The following CERS6 variants were observed in gnomAD, a reference collection of about 807,000 sequenced individuals.
CERS6 encodes the protein ceramide synthase 6.
In CERS6, 26 loss-of-function variants were observed where a neutral mutation model predicts 56.8. The observed-to-expected ratio is 0.46, with a 90% CI of 0.34 to 0.63. The LOEUF (loss-of-function observed/expected upper bound fraction) is 0.63. Ranked by LOEUF, CERS6 falls within the 30% of genes least tolerant of loss-of-function variation. The pLI is 0.01. For missense variants in CERS6, 415 were observed against 467.5 expected (o/e 0.89, Z 1.04); for synonymous variants, 164 against 173.3 (o/e 0.95, Z 0.42).
chr2:168,654,346 C>T (rs1184076106), intron 4 of CERS6, among the ~76,000 whole-genome samples: 10 of 151,948 alleles, frequency 6.6e-5, no homozygotes, highest in Non-Finnish European at 2.9e-5. Context: ...GAGTTCGAGA[C>T]CAGCCTAGCC....
At chr2:168,745,895 G>A (rs1684084510) in intron 8 of CERS6, among the ~76,000 whole-genome samples, 1 of 152,140 alleles carries the variant, frequency 6.6e-6, no homozygotes, top group Admixed American at 6.5e-5. Context: ...TCACCTGTGG[G>A]GATGCCACAT....
chr2:168,547,852 A>T, intron 2 of CERS6, 151 bp downstream of exon 2: 1 of 628,748 alleles, frequency 1.6e-6, no homozygotes, highest in Non-Finnish European at 2.9e-6. Flanking sequence ...CAAGCGTAGT[A>T]GAAGCGGAAT....
chr2:168,481,931 G>A (rs1487705357), intron 1 of CERS6, among the ~76,000 whole-genome samples: 1 of 152,188 alleles, frequency 6.6e-6, no homozygotes, highest in Non-Finnish European at 1.5e-5. Flanking sequence ...AGCAATTTAA[G>A]CTTAGGTTGA....
intron 8 of CERS6, among the ~76,000 whole-genome samples, chr2:168,763,842 G>A (rs1684650959): frequency 6.6e-6 from 1 of 152,168 alleles, no homozygotes; most frequent in Admixed American, 6.5e-5. Context: ...CCTGGGGTAA[G>A]CTGAGGAGGA....
At chr2:168,495,267 T>G (rs1694444962) in intron 1 of CERS6, among the ~76,000 whole-genome samples, 1 of 152,240 alleles carries the variant, frequency 6.6e-6, no homozygotes, top group African/African-American at 2.4e-5. Flanking sequence ...TTAAAAAATT[T>G]AACTCCTTTC....
chr2:168,591,315 GCTT>G (rs1683664687), intron 3 of CERS6, among the ~76,000 whole-genome samples: 1 of 152,176 alleles, frequency 6.6e-6, no homozygotes, highest in Admixed American at 6.5e-5. Flanking sequence ...AGCCCAAATG[GCTT>G]CACCATCCAC....
At chr2:168,498,027 G>A (rs570104506) in intron 1 of CERS6, among the ~76,000 whole-genome samples, 1 of 152,106 alleles carries the variant, frequency 6.6e-6, no homozygotes, top group Admixed American at 6.5e-5. Context: ...CTTCCTGATA[G>A]GCTATTCTAG....
intron 3 of CERS6, among the ~76,000 whole-genome samples, chr2:168,628,287 G>A (rs912961110): frequency 3.3e-5 from 5 of 152,060 alleles, no homozygotes; most frequent in African/African-American, 1.2e-4. Context: ...CTCACAGAGG[G>A]GATGTGTGGA....
intron 1 of CERS6, among the ~76,000 whole-genome samples, chr2:168,533,955 T>C (rs922524685): frequency 1.3e-5 from 2 of 152,070 alleles, no homozygotes; most frequent in African/African-American, 2.4e-5. Context: ...GCATGCCTTA[T>C]TTCAGTAGGG....
intron 1 of CERS6, among the ~76,000 whole-genome samples, chr2:168,484,444 G>A (rs1408721081): frequency 6.6e-6 from 1 of 151,110 alleles, no homozygotes; most frequent in Non-Finnish European, 1.5e-5. Flanking sequence ...GCCTCCCAAA[G>A]TGTTGGGATT....
chr2:168,523,251 G>A (rs934408741), intron 1 of CERS6, among the ~76,000 whole-genome samples: 2 of 152,098 alleles, frequency 1.3e-5, no homozygotes, highest in African/African-American at 4.8e-5. Context: ...ATCTTTTACC[G>A]CAAGGAAGGA....
chr2:168,596,554 C>T lies in CERS6; in HGVS notation c.408-34431C>T, dbSNP rs1247927619. On this transcript the variant is annotated intron_variant, in intron 3 of 9. Transcript: ENST00000305747. ...ATTGTTTCAGGGCCCCATCCCCCCCCCTTTTTTTTTTTTTTTTGAGACTGA... is the reference window on the plus strand; with the variant it reads ...ATTGTTTCAGGGCCCCATCCCCCCCTCTTTTTTTTTTTTTTTTGAGACTGA... Among the ~76,000 whole-genome samples, 39 of 134,080 alleles carry T rather than the reference C, an allele frequency of 2.9e-4. 1 individual carries two copies. Among genetic ancestry groups the T allele is most frequent in the African/African-American group, 1.1e-3 (37 of 33,812 alleles). The allele number at this position is 134,080 out of a possible 152,430, so 88.0% of individuals were successfully genotyped here.
chr2:168,609,493 T>A (rs1399491299), intron 3 of CERS6, among the ~76,000 whole-genome samples: 6 of 152,204 alleles, frequency 3.9e-5, no homozygotes, highest in African/African-American at 1.2e-4. Flanking sequence ...AAGAATCTTT[T>A]CGCTCCAAGT....
intron 8 of CERS6, among the ~76,000 whole-genome samples, chr2:168,744,921 C>T (rs1163556731): frequency 6.6e-6 from 1 of 152,088 alleles, no homozygotes; most frequent in East Asian, 1.9e-4. Context: ...TTAAAAATTC[C>T]AATGCCCAGG....
At chr2:168,535,669 G>GCTTTTT (rs369525474) in intron 1 of CERS6, among the ~76,000 whole-genome samples, 1 of 115,598 alleles carries the variant, frequency 8.7e-6, no homozygotes, top group Non-Finnish European at 1.7e-5. Flanking sequence ...TTTGATACCA[G>GCTTTTT]TTTTTTTTTT....
chr2:168,691,193 G>A, intron 5 of CERS6, 109 bp downstream of exon 5: 1 of 920,554 alleles, frequency 1.1e-6, no homozygotes, highest in Admixed American at 1.8e-5. Context: ...CTTCATTTTT[G>A]GCCCCACTCC....
intron 6 of CERS6, among the ~76,000 whole-genome samples, chr2:168,714,361 G>C (rs1687174213): frequency 6.6e-6 from 1 of 152,306 alleles, no homozygotes; most frequent in South Asian, 2.1e-4. Flanking sequence ...GCCCAGGCTG[G>C]GAGCCATACG....
At chr2:168,738,895 G>T (rs1343273734) in intron 8 of CERS6, among the ~76,000 whole-genome samples, 1 of 151,450 alleles carries the variant, frequency 6.6e-6, no homozygotes, top group Non-Finnish European at 1.5e-5. Flanking sequence ...TTGTTTTGGG[G>T]GGTTTTTTTG....
intron 1 of CERS6, among the ~76,000 whole-genome samples, chr2:168,539,775 C>T (rs1046340162): frequency 6.6e-6 from 1 of 152,188 alleles, no homozygotes; most frequent in African/African-American, 2.4e-5. Context: ...TTCAGCAATG[C>T]GTTGACTCAG....
Sources: gnomAD v4.1 joint callset for allele counts (sites outside exome capture counted in the v4.1 genomes callset) on GRCh38, gnomAD v4.1.1 for gene constraint, MANE v1.5 for transcripts, NCBI Gene and HGNC (gene_info 2026-07-23, HGNC 2026-07-21) for gene names.